The following LRCH2 variants were observed in gnomAD, a reference collection of about 807,000 sequenced individuals.
The protein encoded by LRCH2 is leucine rich repeats and calponin homology domain containing 2.
In LRCH2, 38 loss-of-function variants were observed where a neutral mutation model predicts 68.9. The ratio of observed to expected loss-of-function variants is 0.55; its 90% CI spans 0.43 to 0.72. The LOEUF (loss-of-function observed/expected upper bound fraction) is 0.72. Among genes scored for constraint, LRCH2 ranks in the 30% least tolerant of loss-of-function variants. The probability of loss-of-function intolerance (pLI) is 0.00; values close to 1 mark genes in which losing one functional copy is unlikely to be tolerated. For missense variants in LRCH2, 528 were observed against 572.9 expected, an observed-to-expected ratio of 0.92 and a Z score of 0.80; for synonymous variants, 191 against 208.1, an observed-to-expected ratio of 0.92 and a Z score of 0.71.
chrX:115,163,113 A>G (rs186018352), intron 11 of LRCH2, among the ~76,000 whole-genome samples: 23 of 111,821 alleles, frequency 2.1e-4, no homozygotes, highest in African/African-American at 7.5e-4. Flanking sequence ...CAAGAAACAG[A>G]CCAAAGTGAG....
intron 1 of LRCH2, among the ~76,000 whole-genome samples, chrX:115,224,434 G>A (rs1364033313): frequency 9.0e-6 from 1 of 111,322 alleles, no homozygotes; most frequent in East Asian, 2.8e-4. Flanking sequence ...TGTAATCCCA[G>A]CACTTTGGGA....
rs190748207 is a variant in LRCH2, at chrX:115,150,323, C to G, written c.1530-253G>C. Among the ~76,000 whole-genome samples, 42 of 109,947 alleles carry G rather than the reference C, an allele frequency of 3.8e-4. No homozygotes were observed. In the East Asian group the frequency reaches 4.8e-3, roughly 13 times the overall value. ...TGCATAGGTCTATTCTAAGGAATTC[C>G]CAGAAGCTAAAATAAGTGAAATATC... On this transcript the variant is annotated intron_variant, in intron 12 of 20. Transcript: ENST00000317135.
Position 115,166,276 on chromosome X carries a change from C to A in LRCH2, c.1065G>T (p.Glu355Asp), listed in dbSNP as rs781893757. Reference sequence around the variant, plus strand: ...TCACTTCTGTTGTGGATAATCGTTTCTCTCCATTATCACTTCCAATTCCAG... The same window carrying A: ...TCACTTCTGTTGTGGATAATCGTTTATCTCCATTATCACTTCCAATTCCAG... ...PDSGIGSDNGEKRLSTTEPSD... is the reference protein window; with the variant it reads ...PDSGIGSDNGDKRLSTTEPSD... Residue 355 changes from glutamate (E) to aspartate (D), a missense_variant, in exon 7 of 21, where the codon GAG (glutamate) becomes GAT (aspartate). Glu to Asp is a conservative substitution (Grantham distance 45). Coordinates refer to ENST00000317135, the MANE Select transcript of LRCH2 (RefSeq NM_020871.4). 1.7e-6 allele frequency: 2 copies of A among 1,191,947 alleles called. No homozygotes were observed. The highest frequency in any genetic ancestry group is 2.3e-6 in the Non-Finnish European group (2 of 880,443).
At chrX:115,205,787 A>C (rs887296937) in intron 1 of LRCH2, among the ~76,000 whole-genome samples, 5 of 110,847 alleles carry the variant, frequency 4.5e-5, no homozygotes, top group Non-Finnish European at 9.4e-5. Context: ...AAATACAAAA[A>C]ATTAGCCAGG....
chrX:115,210,010 T>TCA (rs2072995384), intron 1 of LRCH2, among the ~76,000 whole-genome samples: 4 of 109,677 alleles, frequency 3.6e-5, no homozygotes, highest in Non-Finnish European at 7.7e-5. Flanking sequence ...TTAGGTGCCG[T>TCA]TAAAAGCACT....
intron 1 of LRCH2, 64 bp downstream of exon 1, chrX:115,233,629 C>T: frequency 9.6e-7 from 1 of 1,046,860 alleles, no homozygotes; most frequent in Non-Finnish European, 1.3e-6. Flanking sequence ...AACGCAGCCA[C>T]GCAGCCACCC....
intron 14 of LRCH2, among the ~76,000 whole-genome samples, chrX:115,144,354 A>C (rs189155963): frequency 2.7e-5 from 3 of 111,452 alleles, no homozygotes; most frequent in African/African-American, 9.8e-5. Context: ...CAACATAATA[A>C]AAGCCAAAAC....
intron 12 of LRCH2, among the ~76,000 whole-genome samples, chrX:115,152,697 T>C (rs1171051177): frequency 3.6e-5 from 4 of 110,658 alleles, no homozygotes; most frequent in Non-Finnish European, 5.7e-5. Context: ...AAAACATATC[T>C]GAAGAAATAA....
chrX:115,230,470 A>G (rs1449367648), intron 1 of LRCH2, among the ~76,000 whole-genome samples: 2 of 111,318 alleles, frequency 1.8e-5, no homozygotes, highest in Non-Finnish European at 3.8e-5. Context: ...GGTTGAAGAG[A>G]GAAAGAGAAA....
At chrX:115,116,199 C>T (rs949565107) in intron 20 of LRCH2, among the ~76,000 whole-genome samples, 2 of 111,213 alleles carry the variant, frequency 1.8e-5, no homozygotes, top group Admixed American at 9.6e-5. Context: ...AATTTCACTG[C>T]TAGGTATAAC....
chrX:115,146,906 T>TACACACACACACACAC (rs57837250), intron 14 of LRCH2, among the ~76,000 whole-genome samples: 1 of 67,594 alleles, frequency 1.5e-5, no homozygotes, highest in African/African-American at 5.7e-5. Context: ...CTTACATACA[T>TACACACACACACACAC]ACACACACAC....
chrX:115,151,809 G>T (rs1423250406), intron 12 of LRCH2, among the ~76,000 whole-genome samples: 21 of 111,222 alleles, frequency 1.9e-4, no homozygotes, highest in African/African-American at 6.5e-4. Flanking sequence ...GAGCCAAGTT[G>T]CTGCATGGAA....
In LRCH2 at chrX:115,130,167, A is replaced by G; in HGVS notation, c.1728T>C (p.Asn576=). Residue 576 remains asparagine (N), a synonymous_variant, in exon 15 of 21, where the codon AAT becomes AAC. Transcript: ENST00000317135. The stretch of plus-strand genomic sequence containing the variant: ...TATCTTTTCTCACCTCATCATTTTC[A>G]TTGCCACTTGAACTCTTCCTCATTG... ...YKSMRKSSSG[N]ENDEQDSDNA... is the part of the protein sequence containing the mutation. 5 of 1,037,967 alleles carry G rather than the reference A, an allele frequency of 4.8e-6. No individual in the cohort carries two copies. Among genetic ancestry groups the G allele is most frequent in the Non-Finnish European group, 6.6e-6 (5 of 760,461 alleles). 85.5% of individuals were successfully genotyped at this position (1,037,967 alleles called of 1,213,427 possible).
At chrX:115,192,405 C>T (rs1556561259) in intron 1 of LRCH2, 1 of 1,166,373 alleles carries the variant, frequency 8.6e-7, no homozygotes, top group Non-Finnish European at 1.1e-6. Flanking sequence ...AGTACCAGGG[C>T]AGCTTGCCTG....
At chrX:115,171,342 T>C (rs1174969288) in intron 5 of LRCH2, among the ~76,000 whole-genome samples, 1 of 111,637 alleles carries the variant, frequency 9.0e-6, no homozygotes, top group African/African-American at 3.2e-5. Flanking sequence ...AAAAATTTCA[T>C]TTAAAAGGAA....
chrX:115,171,599 TAC>T (rs1160277447), intron 5 of LRCH2, among the ~76,000 whole-genome samples: 1 of 111,445 alleles, frequency 9.0e-6, no homozygotes, highest in Admixed American at 9.5e-5. Context: ...GTACTTCATG[TAC>T]ACAGTTTTTA....
chrX:115,123,950 C>T lies in LRCH2; in HGVS notation c.1844G>A (p.Arg615Lys), dbSNP rs2072164469. 1 of 1,104,021 alleles carries T rather than the reference C, an allele frequency of 9.1e-7. No homozygotes were observed. Among genetic ancestry groups the T allele is most frequent in the East Asian group, 3.4e-5 (1 of 29,218 alleles). 91.0% of individuals were successfully genotyped at this position (1,104,021 alleles called of 1,213,427 possible). A position where few individuals can be genotyped will look rare whatever the true frequency, so the allele number is the denominator to read the frequency against. ...TTTACAGAATATCTATTTACCTGAT[C>T]TAGGCTTCAAGCCAAAGGGACTGTG... is the stretch of plus-strand genomic sequence containing the variant. ...FSHSPFGLKP[R>K]SAFSRSSRQE... The change falls in exon 17 of 21, where the codon AGA becomes AAA. Residue 615 changes from arginine to lysine, a missense_variant. Coordinates refer to ENST00000317135, the MANE Select transcript of LRCH2 (RefSeq NM_020871.4).
chrX:115,147,783 A>G (rs1009966285), intron 14 of LRCH2, among the ~76,000 whole-genome samples: 27 of 111,494 alleles, frequency 2.4e-4, no homozygotes, highest in African/African-American at 8.5e-4. Context: ...AAAGTGGGCC[A>G]AAAATGTCAG....
At chrX:115,143,605 A>G (rs896084030) in intron 14 of LRCH2, among the ~76,000 whole-genome samples, 1 of 111,665 alleles carries the variant, frequency 9.0e-6, no homozygotes, top group African/African-American at 3.3e-5. Flanking sequence ...ATTGAAGAGG[A>G]GGGAATACTG....
Sources: allele counts gnomAD v4.1 joint callset (sites outside exome capture counted in the v4.1 genomes callset), GRCh38; gene constraint gnomAD v4.1.1; transcripts MANE v1.5; gene names NCBI Gene and HGNC (gene_info 2026-07-23, HGNC 2026-07-21).